Variants in PHF6 observed in about 807,000 individuals in gnomAD.
The protein encoded by PHF6 is PHD-like zinc finger protein.
A neutral mutation model predicts 34.0 loss-of-function variants in PHF6; 7 were observed. The ratio of observed to expected loss-of-function variants is 0.21; its 90% confidence interval spans 0.12 to 0.39. The LOEUF (loss-of-function observed/expected upper bound fraction) is 0.39. PHF6 is among the 10% of genes least tolerant of loss of function. The pLI is 1.00. For synonymous variants in PHF6, 89 were observed against 88.4 expected (o/e 1.01, Z -0.04); for missense variants, 128 against 262.8 (o/e 0.49, Z 3.55).
chrX:134,403,823 A>G (rs997710152), intron 5 of PHF6, among the ~76,000 whole-genome samples: 3 of 112,183 alleles, frequency 2.7e-5, no homozygotes, highest in South Asian at 3.7e-4. Flanking sequence ...TTTATACTCT[A>G]TAAATGAATG....
At chrX:134,405,126 A>G (rs1279182778) in intron 5 of PHF6, among the ~76,000 whole-genome samples, 1 of 112,025 alleles carries the variant, frequency 8.9e-6, no homozygotes, top group African/African-American at 3.2e-5. Flanking sequence ...TGACAATGGA[A>G]TTTAAATTCT....
chrX:134,406,181 C>T (rs1307370488), intron 5 of PHF6, among the ~76,000 whole-genome samples: 1 of 105,435 alleles, frequency 9.5e-6, no homozygotes, highest in Non-Finnish European at 1.9e-5. Context: ...AATTAAAGTC[C>T]CCATGTGGAC....
At chrX:134,399,285 G>A (rs1323578590) in intron 5 of PHF6, among the ~76,000 whole-genome samples, 1 of 111,253 alleles carries the variant, frequency 9.0e-6, no homozygotes, top group African/African-American at 3.3e-5. Flanking sequence ...TATGCACCTC[G>A]ATAAATGGGA....
rs1435022237 is a variant in PHF6 at position 134,428,666 on chromosome X, A to C, written c.*3006A>C. On this transcript the variant is annotated 3_prime_UTR_variant, in exon 11 of 11. Transcript: ENST00000370803. ...GGGTCAAAAATCAAACATTCCTCTC[A>C]TGTTATGTATATTTTGTTCCTGTTA... 6 of 145,235 alleles carry C rather than the reference A, an allele frequency of 4.1e-5. No homozygotes were observed. The highest frequency in any genetic ancestry group is 1.7e-4 in the Admixed American group (2 of 11,527). The allele number at this position is 145,235 out of a possible 1,213,427, so 12.0% of individuals were successfully genotyped here.
rs189419968 is a variant in PHF6 at position 134,379,515 on chromosome X, T to A, written c.240+1409T>A. The stretch of plus-strand genomic sequence containing the variant: ...TGGAGTGCAGTGGCGCAGTCTCAGC[T>A]CACGGTAACCTCTCTCTACTGGGTT... On this transcript the variant is annotated intron_variant, in intron 3 of 10. Transcript: ENST00000370803. 6.6e-3 allele frequency among the ~76,000 whole-genome samples: 621 copies of A among 94,180 alleles called. 5 individuals are homozygous for A. Among genetic ancestry groups the A allele is most frequent in the African/African-American group, 0.023 (591 of 25,317 alleles). 81.8% of individuals were successfully genotyped at this position (94,180 alleles called of 115,157 possible). A position where few individuals can be genotyped will look rare whatever the true frequency, so the allele number is the denominator to read the frequency against.
At chrX:134,406,113 T>TC (rs1426712317) in intron 5 of PHF6, among the ~76,000 whole-genome samples, 115 of 98,748 alleles carry the variant, frequency 1.2e-3, no homozygotes, top group East Asian at 4.4e-3. Flanking sequence ...TTTCTTTCTT[T>TC]TTTTTTTTAC....
At chrX:134,413,786 AT>A (rs764511301) in intron 6 of PHF6, 36 bp from the exon 7 acceptor site, 2 of 1,207,671 alleles carry the variant, frequency 1.7e-6, no homozygotes, top group Non-Finnish European at 1.1e-6. Context: ...TATTTTCATG[AT>A]TTTTTTTAAG....
At chrX:134,386,667 C>T (rs753175337) in intron 3 of PHF6, among the ~76,000 whole-genome samples, 204 of 111,086 alleles carry the variant, frequency 1.8e-3, no homozygotes, top group African/African-American at 4.2e-3. Flanking sequence ...CCACCCGCCT[C>T]GGCCTCCCAA....
intron 9 of PHF6, among the ~76,000 whole-genome samples, chrX:134,421,843 G>A (rs1278786515): frequency 9.4e-6 from 1 of 106,865 alleles, no homozygotes; most frequent in African/African-American, 3.4e-5. Context: ...TCTTATCTAT[G>A]CTGTTTTATA....
chrX:134,405,356 G>A (rs2077418668), intron 5 of PHF6, among the ~76,000 whole-genome samples: 1 of 111,009 alleles, frequency 9.0e-6, no homozygotes, highest in South Asian at 3.8e-4. Context: ...CTGCCACCAC[G>A]CCCAGATAAT....
At chrX:134,417,798 G>T (rs1027466018) in intron 9 of PHF6, 1 of 114,900 alleles carries the variant, frequency 8.7e-6, no homozygotes, top group African/African-American at 3.3e-5. Flanking sequence ...GGCAGAGGTT[G>T]CAGTGAGCCA....
At chrX:134,403,613 A>T in intron 5 of PHF6, among the ~76,000 whole-genome samples, 1 of 112,223 alleles carries the variant, frequency 8.9e-6, no homozygotes. Context: ...GATTTTTAAT[A>T]TTAATGAAAC....
intron 5 of PHF6, among the ~76,000 whole-genome samples, 195 bp from the exon 6 acceptor site, chrX:134,413,296 T>C (rs1300956214): frequency 8.9e-6 from 1 of 112,105 alleles, no homozygotes; most frequent in Non-Finnish European, 1.9e-5. Flanking sequence ...AAAATTAATT[T>C]ACTAAACTAT....
At chrX:134,383,790 G>A (rs2077318289) in intron 3 of PHF6, among the ~76,000 whole-genome samples, 1 of 111,560 alleles carries the variant, frequency 9.0e-6, no homozygotes, top group Non-Finnish European at 1.9e-5. Context: ...TCCAGGGTCA[G>A]TTGACTCCCA....
chrX:134,381,790 C>T (rs755977428), intron 3 of PHF6, among the ~76,000 whole-genome samples: 89 of 111,247 alleles, frequency 8.0e-4, no homozygotes, highest in Non-Finnish European at 9.3e-4. Context: ...CATGCCTGGC[C>T]CCTAATTGAC....
intron 5 of PHF6, among the ~76,000 whole-genome samples, chrX:134,403,636 G>T (rs1425786400): frequency 8.9e-6 from 1 of 111,994 alleles, no homozygotes; most frequent in Non-Finnish European, 1.9e-5. Flanking sequence ...CCTTGTATTG[G>T]AAGGAGATGC....
chrX:134,418,837 C>T (rs1194455815), intron 9 of PHF6: 1 of 103,616 alleles, frequency 9.7e-6, no homozygotes, highest in African/African-American at 3.7e-5. Flanking sequence ...GACCAATCTC[C>T]CCTTTTTTTT....
intron 3 of PHF6, among the ~76,000 whole-genome samples, chrX:134,390,977 C>CTTTTTTTTTTTTTTTTTTTTT (rs1216287733): frequency 2.8e-5 from 2 of 71,498 alleles, no homozygotes; most frequent in Non-Finnish European, 5.5e-5. Flanking sequence ...TTTTTTTTTT[C>CTTTTTTTTTTTTTTTTTTTTT]TTTTTTTTTT....
intron 3 of PHF6, among the ~76,000 whole-genome samples, chrX:134,384,682 T>C (rs774727017): frequency 5.2e-4 from 56 of 108,533 alleles, no homozygotes; most frequent in Non-Finnish European, 9.0e-4. Context: ...GACGGAGTCT[T>C]GCTCTGTCGC....
Sources: allele counts gnomAD v4.1 joint callset (sites outside exome capture counted in the v4.1 genomes callset), GRCh38; gene constraint gnomAD v4.1.1; transcripts MANE v1.5; gene names NCBI Gene and HGNC (gene_info 2026-07-23, HGNC 2026-07-21).